DNAI4: variants seen among roughly 807,000 people sequenced by gnomAD.
DNAI4 encodes the protein dynein axonemal intermediate chain 4, also known as WD repeat domain 78.
In DNAI4, 85 loss-of-function variants were observed where a neutral mutation model predicts 105.8. That is an observed-to-expected ratio of 0.80 (90% CI 0.67 to 0.96). The LOEUF (loss-of-function observed/expected upper bound fraction) is 0.96. Ranked by LOEUF, DNAI4 falls within the 40% of genes least tolerant of loss-of-function variation. The pLI is 0.00. For missense variants in DNAI4, 1,014 were observed against 1,005.6 expected (o/e 1.01, Z -0.11); for synonymous variants, 352 against 331.5 (o/e 1.06, Z -0.67).
At chr1:66,826,050 T>A (rs943009067) in intron 15 of DNAI4, among the ~76,000 whole-genome samples, 4 of 152,206 alleles carry the variant, frequency 2.6e-5, no homozygotes, top group African/African-American at 9.6e-5. Flanking sequence ...TGGTGTAATA[T>A]CTTAAATCAA....
At chr1:66,860,095 G>C (rs1646593176) in intron 7 of DNAI4, among the ~76,000 whole-genome samples, 1 of 152,020 alleles carries the variant, frequency 6.6e-6, no homozygotes, top group South Asian at 2.1e-4. Flanking sequence ...ATTTTATGGA[G>C]CTCTTGGTAC....
chr1:66,819,668 TTA>T (rs199667464), intron 16 of DNAI4, among the ~76,000 whole-genome samples: 3 of 151,568 alleles, frequency 2.0e-5, no homozygotes, highest in Non-Finnish European at 1.5e-5. Flanking sequence ...TTGACAGGTT[TTA>T]TATATATATA....
intron 1 of DNAI4, among the ~76,000 whole-genome samples, chr1:66,911,071 T>C (rs1649622371): frequency 6.6e-6 from 1 of 152,188 alleles, no homozygotes; most frequent in Non-Finnish European, 1.5e-5. Flanking sequence ...TAAGACTACC[T>C]CTGACTTCGA....
intron 10 of DNAI4, 119 bp from the exon 11 acceptor site, chr1:66,835,896 T>A: frequency 1.3e-6 from 1 of 784,590 alleles, no homozygotes; most frequent in African/African-American, 1.7e-5. Context: ...TAGCCCACAT[T>A]CAGTTACTTC....
chr1:66,903,759 A>G (rs959216406), intron 2 of DNAI4, among the ~76,000 whole-genome samples: 2 of 151,998 alleles, frequency 1.3e-5, no homozygotes, highest in African/African-American at 4.8e-5. Context: ...CCTCCCAAAG[A>G]GCTAGGATTA....
chr1:66,840,354 A>C (rs1174845595), intron 9 of DNAI4, 115 bp downstream of exon 9: 2 of 967,698 alleles, frequency 2.1e-6, no homozygotes, highest in East Asian at 2.6e-5. Context: ...ACTCAAAGTT[A>C]TGGTCAATTT....
intron 7 of DNAI4, among the ~76,000 whole-genome samples, chr1:66,849,448 A>G (rs1455717382): frequency 6.6e-6 from 1 of 152,198 alleles, no homozygotes; most frequent in Non-Finnish European, 1.5e-5. Flanking sequence ...GCCTGCTAAA[A>G]TGGAAGTTTA....
At chr1:66,838,685 C>T (rs180997315) in intron 9 of DNAI4, among the ~76,000 whole-genome samples, 6 of 152,304 alleles carry the variant, frequency 3.9e-5, no homozygotes, top group Admixed American at 1.3e-4. Flanking sequence ...TTCAGGCCAA[C>T]GTAATCTCTC....
chr1:66,924,624 CA>C (rs1557996907), intron 1 of DNAI4, 37 bp downstream of exon 1: 2 of 1,614,156 alleles, frequency 1.2e-6, no homozygotes, highest in Admixed American at 1.7e-5. Context: ...CTCCGGGTCC[CA>C]GGGGGATGGA....
At chr1:66,849,688 GGAATAGAAAGTCTTAGCTAAT>G (rs1274679636) in intron 7 of DNAI4, among the ~76,000 whole-genome samples, 35 of 152,126 alleles carry the variant, frequency 2.3e-4, no homozygotes, top group African/African-American at 7.9e-4. Context: ...TATCATCAAA[GGAATAGAAAGTCTTAGCTAAT>G]GAATAGAAAG....
rs186222338 is a variant in DNAI4 at position 66,893,823 on chromosome 1, A to G, written c.346-410T>C. On this transcript the variant is annotated intron_variant, in intron 2 of 16. Transcript: ENST00000371026. ...TTTTGGTTTACAGTTCTGCACCACAAAATGATTCAGTCAACAATGGACCAC... is the reference window on the plus strand; with the variant it reads ...TTTTGGTTTACAGTTCTGCACCACAGAATGATTCAGTCAACAATGGACCAC... Among the ~76,000 whole-genome samples the G allele has an allele frequency of 1.5e-3, 236 of 152,298 alleles. 1 individual carries two copies. The highest frequency in any genetic ancestry group is 5.2e-3 in the African/African-American group (218 of 41,570).
intron 15 of DNAI4, among the ~76,000 whole-genome samples, chr1:66,824,857 T>C (rs1645715590): frequency 6.6e-6 from 1 of 152,198 alleles, no homozygotes; most frequent in Non-Finnish European, 1.5e-5. Flanking sequence ...GTAGGCTTCA[T>C]ACAATTAGTT....
chr1:66,855,646 A>C (rs762477724), intron 7 of DNAI4, among the ~76,000 whole-genome samples: 15 of 152,212 alleles, frequency 9.9e-5, no homozygotes, highest in Non-Finnish European at 1.9e-4. Context: ...AAAATGGGTC[A>C]ATTCTCCAAG....
intron 15 of DNAI4, among the ~76,000 whole-genome samples, 197 bp downstream of exon 15, chr1:66,826,623 C>A (rs1645759227): frequency 1.3e-5 from 2 of 152,124 alleles, no homozygotes; most frequent in South Asian, 4.1e-4. Context: ...CATTCAAATA[C>A]TTTTAAAACC....
At chr1:66,911,649 C>T (rs1649665134) in intron 1 of DNAI4, among the ~76,000 whole-genome samples, 1 of 152,164 alleles carries the variant, frequency 6.6e-6, no homozygotes, top group African/African-American at 2.4e-5. Flanking sequence ...ATTTATTTTA[C>T]AATATCACAG....
chr1:66,901,767 A>C (rs2100816708), intron 2 of DNAI4, among the ~76,000 whole-genome samples: 2 of 152,278 alleles, frequency 1.3e-5, no homozygotes, highest in Middle Eastern at 6.8e-3. Context: ...CAAGGTTTGG[A>C]GGAATCACGA....
Position 66,890,831 on chromosome 1 carries a change from G to A in DNAI4, c.643+323C>T, listed in dbSNP as rs1439122138. ...GAGGAAAAGAAGAGGAAAAGAGGAA[G>A]AGGAAGAAAAGGAAGAGGAAGAAGA... On this transcript the variant is annotated intron_variant, in intron 4 of 16. Coordinates refer to ENST00000371026, the MANE Select transcript of DNAI4 (RefSeq NM_024763.5). The surrounding 1 kb of genome is among the most constrained non-coding windows in gnomAD (Gnocchi z 4.1). 9 of 353,450 alleles carry A rather than the reference G, an allele frequency of 2.5e-5. No homozygotes were observed. The highest frequency in any genetic ancestry group is 8.1e-5 in the East Asian group (1 of 12,340). 21.9% of individuals were successfully genotyped at this position (353,450 alleles called of 1,614,324 possible). A position where few individuals can be genotyped will look rare whatever the true frequency, so the allele number is the denominator to read the frequency against.
chr1:66,892,220 G>T (rs549392500), intron 3 of DNAI4, among the ~76,000 whole-genome samples: 1 of 152,208 alleles, frequency 6.6e-6, no homozygotes, highest in African/African-American at 2.4e-5. Flanking sequence ...AAGTTTATTG[G>T]AATATCCTCC....
intron 1 of DNAI4, among the ~76,000 whole-genome samples, chr1:66,923,535 CT>C (rs1650728906): frequency 6.6e-6 from 1 of 152,154 alleles, no homozygotes; most frequent in Non-Finnish European, 1.5e-5. Context: ...CCAAATAAAG[CT>C]TTTCAAAGAT....
Sources: allele counts gnomAD v4.1 joint callset (sites outside exome capture counted in the v4.1 genomes callset), GRCh38; gene constraint gnomAD v4.1.1; non-coding constraint Gnocchi (gnomAD v3.1); transcripts MANE v1.5; gene names NCBI Gene and HGNC (gene_info 2026-07-23, HGNC 2026-07-21).